AVEN: variants seen among roughly 807,000 people sequenced by gnomAD.
The protein encoded by AVEN is apoptosis and caspase activation inhibitor.
In AVEN, 41 loss-of-function variants were observed where a neutral mutation model predicts 38.1. The observed-to-expected ratio is 1.08, with a 90% CI of 0.84 to 1.40. The LOEUF is 1.40. AVEN is among the 40% of genes most tolerant of loss of function. The pLI is 0.00. For synonymous variants in AVEN, 206 were observed against 171.8 expected (o/e 1.20, Z -1.56); for missense variants, 605 against 438.8 (o/e 1.38, Z -3.38).
At chr15:33,961,792 G>A (rs538627426) in intron 2 of AVEN, among the ~76,000 whole-genome samples, 32 of 134,066 alleles carry the variant, frequency 2.4e-4, no homozygotes, top group East Asian at 8.7e-4. Context: ...CAGCCTGGGC[G>A]ACAGAGTGAG....
chr15:33,957,693 T>C (rs897491913), intron 2 of AVEN, among the ~76,000 whole-genome samples: 7 of 144,958 alleles, frequency 4.8e-5, no homozygotes, highest in African/African-American at 1.8e-4. Context: ...TGCAACAACA[T>C]AGGGGAATCT....
intron 2 of AVEN, among the ~76,000 whole-genome samples, chr15:33,966,971 A>G (rs1266288020): frequency 6.6e-6 from 1 of 152,146 alleles, no homozygotes; most frequent in Non-Finnish European, 1.5e-5. Flanking sequence ...CTGAACTCTA[A>G]GTCACATTCA....
chr15:33,866,646 C>T lies in AVEN; in HGVS notation c.1056G>A (p.Glu352=), dbSNP rs1307225378. The stretch of plus-strand genomic sequence containing the variant: ...TCATGCTGTCCAACCAGTCTTCCAG[C>T]TCTTCCTCGGTAACATTTTTGGAGG... The part of the protein sequence containing the change: ...PSTSKNVTEE[E]LEDWLDSMIS The change falls in exon 6 of 6, where the codon GAG becomes GAA. Residue 352 remains glutamate (E), a synonymous_variant. Transcript: ENST00000306730. 6.2e-7 allele frequency: 1 copy of T among 1,614,020 alleles called. No homozygotes were observed. The highest frequency in any genetic ancestry group is 1.3e-5 in the African/African-American group (1 of 75,042).
chr15:34,048,196 A>G (rs1451114702), intron 5 of AVEN, among the ~76,000 whole-genome samples: 1 of 152,228 alleles, frequency 6.6e-6, no homozygotes, highest in East Asian at 1.9e-4. Flanking sequence ...TTTAAGCAGG[A>G]CCCGGATCCA....
At chr15:34,071,531 C>T (rs1343047900) in intron 1 of AVEN, among the ~76,000 whole-genome samples, 1 of 152,170 alleles carries the variant, frequency 6.6e-6, no homozygotes, top group Non-Finnish European at 1.5e-5. Context: ...CTACCTCAGC[C>T]TCCCAAAGTG....
chr15:33,973,328 T>C (rs895998297), intron 2 of AVEN, among the ~76,000 whole-genome samples: 1 of 152,230 alleles, frequency 6.6e-6, no homozygotes, highest in African/African-American at 2.4e-5. Flanking sequence ...TACAGTAACC[T>C]AGAAAGCTGT....
downstream of AVEN, among the ~76,000 whole-genome samples, chr15:33,855,686 A>C (rs1415646178): frequency 6.6e-6 from 1 of 151,808 alleles, no homozygotes; most frequent in Non-Finnish European, 1.5e-5. Context: ...ACACACACAC[A>C]TATGTATATG....
intron 2 of AVEN, among the ~76,000 whole-genome samples, chr15:33,933,524 C>CACACACACACACAGAGAGAGAGAGAG (rs1893945145): frequency 2.1e-5 from 1 of 46,652 alleles, no homozygotes; most frequent in Non-Finnish European, 4.5e-5. Flanking sequence ...CACACACACA[C>CACACACACACACAGAGAGAGAGAGAG]AGAGAGAGAG....
rs748659662 is a variant in AVEN, at chr15:33,866,597, A to G, written c.*16T>C. The G allele has an allele frequency of 8.7e-6, 14 of 1,602,680 alleles. No homozygotes were observed. In the African/African-American group the frequency reaches 1.9e-4, roughly 22 times the overall value. Reference sequence around the variant, plus strand: ...AAGGCAACCAAGATTTGCTTCAGGCACTTTTTTTCCCCTTTTTAGGAAATC... The same window carrying G: ...AAGGCAACCAAGATTTGCTTCAGGCGCTTTTTTTCCCCTTTTTAGGAAATC... On this transcript the variant is annotated 3_prime_UTR_variant, in exon 6 of 6. Transcript: ENST00000306730.
intron 2 of AVEN, among the ~76,000 whole-genome samples, chr15:33,967,034 A>G (rs1895414358): frequency 6.6e-6 from 1 of 152,144 alleles, no homozygotes; most frequent in African/African-American, 2.4e-5. Context: ...TATTTATTAT[A>G]GAAGTGACCA....
At chr15:34,042,536 G>T (rs1046911781), upstream of AVEN, among the ~76,000 whole-genome samples, 3 of 151,652 alleles carry the variant, frequency 2.0e-5, no homozygotes, top group African/African-American at 7.3e-5. Flanking sequence ...GAGTAGCTAG[G>T]ATTACAGGCA....
chr15:34,051,762 A>G (rs1273820595), intron 5 of AVEN, among the ~76,000 whole-genome samples: 6 of 152,152 alleles, frequency 3.9e-5, no homozygotes, highest in Admixed American at 3.9e-4. Context: ...AATCCTGAAC[A>G]CATACACCCT....
chr15:33,967,559 G>A (rs977435917), intron 2 of AVEN, among the ~76,000 whole-genome samples: 1 of 151,760 alleles, frequency 6.6e-6, no homozygotes, highest in Non-Finnish European at 1.5e-5. Context: ...TATTATTTTT[G>A]TATTATTTTT....
At chr15:33,993,921 A>G (rs1896830065) in intron 2 of AVEN, among the ~76,000 whole-genome samples, 1 of 152,222 alleles carries the variant, frequency 6.6e-6, no homozygotes, top group Admixed American at 6.5e-5. Context: ...ACTTCATGCT[A>G]TGTTGAAAAG....
At chr15:33,898,162 C>T (rs960821236) in intron 2 of AVEN, among the ~76,000 whole-genome samples, 1 of 152,196 alleles carries the variant, frequency 6.6e-6, no homozygotes, top group African/African-American at 2.4e-5. Context: ...GCACTCCAGC[C>T]TGGGCAACAG....
chr15:33,857,100 A>G (rs1325363801), downstream of AVEN, among the ~76,000 whole-genome samples: 5 of 152,122 alleles, frequency 3.3e-5, no homozygotes, highest in African/African-American at 9.7e-5. Flanking sequence ...GTTCCTTTAT[A>G]TTTTACTTAC....
chr15:33,907,934 CTA>C (rs139423971), intron 2 of AVEN, among the ~76,000 whole-genome samples: 515 of 152,148 alleles, frequency 3.4e-3, no homozygotes, highest in Non-Finnish European at 4.6e-3. Context: ...ATGCATCTAA[CTA>C]CATAAAAATG....
chr15:33,864,862 T>G, downstream of AVEN: 1 of 407,684 alleles, frequency 2.5e-6, no homozygotes, highest in Non-Finnish European at 4.4e-6. Context: ...TTTAAGTATG[T>G]TTAGTGGCAA....
downstream of AVEN, among the ~76,000 whole-genome samples, chr15:33,857,491 G>T (rs1424670999): frequency 1.3e-5 from 2 of 152,018 alleles, no homozygotes; most frequent in Non-Finnish European, 2.9e-5. Flanking sequence ...CACATTCTGA[G>T]GTACTGGAGG....
Sources: allele counts gnomAD v4.1 joint callset (sites outside exome capture counted in the v4.1 genomes callset), GRCh38; gene constraint gnomAD v4.1.1; transcripts MANE v1.5; gene names NCBI Gene and HGNC (gene_info 2026-07-23, HGNC 2026-07-21).